The following ZNF765 variants were observed in gnomAD, a reference collection of about 807,000 sequenced individuals.
ZNF765 encodes zinc finger protein 765.
ZNF765 carries 37 observed loss-of-function variants against 44.7 expected under a neutral mutation model. The observed-to-expected ratio is 0.83, with a 90% confidence interval of 0.64 to 1.09. The LOEUF is 1.09. Ranked by LOEUF, ZNF765 falls within the 50% of genes least tolerant of loss-of-function variation. The pLI is 0.00. For missense variants in ZNF765, 594 were observed against 626.1 expected, an observed-to-expected ratio of 0.95 and a Z score of 0.55; for synonymous variants, 201 against 213.7, an observed-to-expected ratio of 0.94 and a Z score of 0.52.
Position 53,410,999 on chromosome 19 carries a change from T to C in ZNF765, c.*1872T>C, listed in dbSNP as rs2085828540. 2.8e-6 allele frequency: 1 copy of C among 360,154 alleles called. No individual in the cohort carries two copies. Among genetic ancestry groups the C allele is most frequent in the African/African-American group, 2.1e-5 (1 of 46,812 alleles). The allele number at this position is 360,154 out of a possible 1,614,324, so 22.3% of individuals were successfully genotyped here. A position where few individuals can be genotyped will look rare whatever the true frequency, so the allele number is the denominator to read the frequency against. On this transcript the variant is annotated 3_prime_UTR_variant, in exon 4 of 4. Coordinates refer to ENST00000396408, the MANE Select transcript of ZNF765 (RefSeq NM_001040185.3). Reference sequence around the variant, plus strand: ...GATATCAGAAAATTCATTTTGGAGATAGTTGTTCCAAATACAATGTGTATA... The same window carrying C: ...GATATCAGAAAATTCATTTTGGAGACAGTTGTTCCAAATACAATGTGTATA...
chr19:53,398,204 G>A (rs1400256455), intron 2 of ZNF765, among the ~76,000 whole-genome samples, 174 bp downstream of exon 2: 8 of 152,178 alleles, frequency 5.3e-5, no homozygotes, highest in Non-Finnish European at 8.8e-5. Flanking sequence ...CCATGATCCA[G>A]TGACATGAAC....
At chr19:53,404,590 C>T (rs571762966) in intron 3 of ZNF765, among the ~76,000 whole-genome samples, 1 of 151,912 alleles carries the variant, frequency 6.6e-6, no homozygotes, top group Non-Finnish European at 1.5e-5. Context: ...GTAGCTGGGA[C>T]TACAGGCACA....
In ZNF765 at chr19:53,410,855, C is replaced by T. The variant is rs2068630; in HGVS notation, c.*1728C>T. 392,898 of 474,006 alleles carry T rather than the reference C, an allele frequency of 0.83. 163,889 individuals carry two copies. The highest frequency in any genetic ancestry group is 0.88 in the Admixed American group (38,070 of 43,022). The allele number at this position is 474,006 out of a possible 1,614,324, so 29.4% of individuals were successfully genotyped here. A position where few individuals can be genotyped will look rare whatever the true frequency, so the allele number is the denominator to read the frequency against. ...AGAAACCTCACAAGTGTGATGATTG[C>T]GGCAAAGCCTTTAATTCACATTCAC... On this transcript the variant is annotated 3_prime_UTR_variant, in exon 4 of 4. Coordinates refer to ENST00000396408, the MANE Select transcript of ZNF765 (RefSeq NM_001040185.3).
chr19:53,413,406 A>G (rs2085848177), downstream of ZNF765: 2 of 501,600 alleles, frequency 4.0e-6, no homozygotes, highest in Non-Finnish European at 3.8e-6. Flanking sequence ...TCATGTTACC[A>G]TATCAAGCTG....
chr19:53,396,369 G>A lies in ZNF765; in HGVS notation c.-74+1176G>A, dbSNP rs376104971. On this transcript the variant is annotated intron_variant, in intron 1 of 3. Coordinates refer to ENST00000396408, the MANE Select transcript of ZNF765 (RefSeq NM_001040185.3). ...GGAGACAGAACGATGTTTATTTAAGGTACGCACCGGCTCAGTGGATTTACA... is the reference window on the plus strand; with the variant it reads ...GGAGACAGAACGATGTTTATTTAAGATACGCACCGGCTCAGTGGATTTACA... Among the ~76,000 whole-genome samples the A allele has an allele frequency of 3.9e-5, 6 of 152,258 alleles. No homozygotes were observed. In the South Asian group the frequency reaches 8.3e-4, roughly 21 times the overall value.
At chr19:53,412,347 C>G (rs1051547940), downstream of ZNF765, among the ~76,000 whole-genome samples, 5 of 152,184 alleles carry the variant, frequency 3.3e-5, no homozygotes, top group African/African-American at 1.2e-4. Flanking sequence ...ATATGTTGAA[C>G]CATCCTTGCA....
At chr19:53,415,311 T>A (rs1282220777), downstream of ZNF765, among the ~76,000 whole-genome samples, 1 of 151,690 alleles carries the variant, frequency 6.6e-6, no homozygotes, top group East Asian at 1.9e-4. Flanking sequence ...AAAACATCAC[T>A]GATTGGTGAA....
At chr19:53,414,461 A>C (rs1394912542), downstream of ZNF765, among the ~76,000 whole-genome samples, 6 of 1,918 alleles carry the variant, frequency 3.1e-3, 1 homozygote, top group African/African-American at 0.012. Context: ...ACACACACAC[A>C]CACACACACA....
chr19:53,414,548 A>G (rs1428084495), downstream of ZNF765, among the ~76,000 whole-genome samples: 15 of 134,378 alleles, frequency 1.1e-4, no homozygotes, highest in Non-Finnish European at 1.2e-4. Flanking sequence ...ATTTCCCTCC[A>G]CAAACTGCGG....
At chr19:53,415,714 A>G (rs1165985135), downstream of ZNF765, among the ~76,000 whole-genome samples, 1 of 152,154 alleles carries the variant, frequency 6.6e-6, no homozygotes, top group African/African-American at 2.4e-5. Flanking sequence ...GGTCAAAGCC[A>G]TGGGATCGAC....
intron 3 of ZNF765, among the ~76,000 whole-genome samples, chr19:53,406,420 A>G (rs4803105): frequency 0.82 from 125,063 of 151,960 alleles, 51,771 homozygotes; most frequent in Admixed American, 0.87. Context: ...CAGTTCTTAT[A>G]TTGTCTGCTG....
At chr19:53,403,146 C>T (rs555608009) in intron 3 of ZNF765, among the ~76,000 whole-genome samples, 5 of 148,848 alleles carry the variant, frequency 3.4e-5, no homozygotes, top group African/African-American at 9.8e-5. Flanking sequence ...GGCGACAGAG[C>T]GGGACTCTGT....
At chr19:53,415,183 T>A (rs1386972217), downstream of ZNF765, among the ~76,000 whole-genome samples, 2 of 151,420 alleles carry the variant, frequency 1.3e-5, no homozygotes, top group East Asian at 3.9e-4. Flanking sequence ...GGCAGGAGAA[T>A]CACTTGAAGC....
chr19:53,410,742 T>G lies in ZNF765; in HGVS notation c.*1615T>G. On this transcript the variant is annotated 3_prime_UTR_variant, in exon 4 of 4. Transcript: ENST00000396408. Reference sequence around the variant, plus strand: ...TTGCAGTTCATCGGCGAACTCGTACTGGAGAGAAACCTTACAAATGTCATG... The same window carrying G: ...TTGCAGTTCATCGGCGAACTCGTACGGGAGAGAAACCTTACAAATGTCATG... 4.6e-6 allele frequency: 2 copies of G among 435,714 alleles called. No individual in the cohort carries two copies. Among genetic ancestry groups the G allele is most frequent in the Non-Finnish European group, 9.4e-6 (2 of 212,728 alleles). The allele number at this position is 435,714 out of a possible 1,614,324, so 27.0% of individuals were successfully genotyped here. A position where few individuals can be genotyped will look rare whatever the true frequency, so the allele number is the denominator to read the frequency against.
In ZNF765 at chr19:53,409,897, T is replaced by G. The variant is rs887771227; in HGVS notation, c.*770T>G. 8 of 641,172 alleles carry G rather than the reference T, an allele frequency of 1.2e-5. No individual in the cohort carries two copies. In the African/African-American group the frequency reaches 1.4e-4, roughly 12 times the overall value. The allele number at this position is 641,172 out of a possible 1,614,324, so 39.7% of individuals were successfully genotyped here. ...ATAATGAGTGTAGAAAAACCTTTCA[T>G]GGGCAGTCAGCATTTTACAAATGTA... On this transcript the variant is annotated 3_prime_UTR_variant, in exon 4 of 4. Transcript: ENST00000396408.
rs2085731715 is a variant in ZNF765, at chr19:53,402,074, A to T, written c.25A>T (p.Thr9Ser). 6.2e-7 allele frequency: 1 copy of T among 1,613,708 alleles called. No homozygotes were observed. The highest frequency in any genetic ancestry group is 8.5e-7 in the Non-Finnish European group (1 of 1,179,924). Residue 9 changes from threonine (T) to serine (S), a missense_variant, in exon 3 of 4, where the codon ACA becomes TCA. By Grantham distance (58) the Thr-to-Ser change is moderately conservative (BLOSUM62 1). Around this residue, in one of 2 missense-constraint regions of ZNF765, gnomAD observed 27 missense variants for 53.6 expected, o/e 0.50. Coordinates refer to ENST00000396408, the MANE Select transcript of ZNF765 (RefSeq NM_001040185.3). ...TGTGTTTTCATTTCAGGGTCTATTG[A>T]CATTCAGGGATGTGGCCATAGAATT... is the stretch of plus-strand genomic sequence containing the variant. MALPQGLLTFRDVAIEFSQ... is the reference protein window; with the variant it reads MALPQGLLSFRDVAIEFSQ...
At chr19:53,405,929 AT>A (rs2085769963) in intron 3 of ZNF765, among the ~76,000 whole-genome samples, 1 of 88,716 alleles carries the variant, frequency 1.1e-5, no homozygotes, top group South Asian at 4.5e-4. Flanking sequence ...ATATATATAT[AT>A]ATATATATAT....
intron 3 of ZNF765, among the ~76,000 whole-genome samples, chr19:53,417,117 C>T (rs1206224287): frequency 1.3e-5 from 2 of 152,168 alleles, no homozygotes. Flanking sequence ...TATGCCCGAC[C>T]AGGTTTCTTT....
rs1467277191 is a variant in ZNF765, at chr19:53,400,484, C to CT, written c.16-1581_16-1580insT. ...CTGTTTTCTTAGATCTGACAAGATT[C>CT]CCCCCTGTCCCCAACTGCCAATGTA... On this transcript the variant is annotated intron_variant, in intron 2 of 3. Coordinates refer to ENST00000396408, the MANE Select transcript of ZNF765 (RefSeq NM_001040185.3). 8.6e-5 allele frequency among the ~76,000 whole-genome samples: 13 copies of CT among 151,558 alleles called. 1 individual carries two copies. The highest frequency in any genetic ancestry group is 1.8e-4 in the Non-Finnish European group (12 of 67,990).
Sources: gnomAD v4.1 joint callset for allele counts (sites outside exome capture counted in the v4.1 genomes callset) on GRCh38, gnomAD v4.1.1 for gene constraint, gnomAD v4.1.1 regional missense constraint, MANE v1.5 for transcripts, NCBI Gene and HGNC (gene_info 2026-07-23, HGNC 2026-07-21) for gene names.